PCDHA9: variants seen among roughly 807,000 people sequenced by gnomAD.
The protein encoded by PCDHA9 is protocadherin alpha 9, also known as protocadherin alpha-9.
Under a neutral mutation model 62.0 loss-of-function variants are expected in PCDHA9, and 62 were observed. The ratio of observed to expected loss-of-function variants is 1.00; its 90% CI spans 0.81 to 1.23. The LOEUF (loss-of-function observed/expected upper bound fraction) is 1.23, where lower values mean the gene tolerates loss of function less well. PCDHA9 is among the 50% of genes most tolerant of loss of function. The pLI is 0.00. For missense variants in PCDHA9, 1,205 were observed against 1,249.8 expected (o/e 0.96, Z 0.54); for synonymous variants, 557 against 567.6 (o/e 0.98, Z 0.27).
intron 1 of PCDHA9, chr5:140,967,218 C>G: frequency 6.2e-7 from 1 of 1,613,744 alleles, no homozygotes; most frequent in Non-Finnish European, 8.5e-7. Flanking sequence ...TTCCCGCGGC[C>G]CAACTACCAG....
chr5:140,863,007 A>G (rs1554157449), intron 1 of PCDHA9: 1 of 551,416 alleles, frequency 1.8e-6, no homozygotes, highest in Non-Finnish European at 3.6e-6. Context: ...GACTCCAGCT[A>G]TGACGCCTGG....
chr5:140,980,890 C>G (rs1554242450), intron 2 of PCDHA9, among the ~76,000 whole-genome samples: 1 of 152,104 alleles, frequency 6.6e-6, no homozygotes, highest in African/African-American at 2.4e-5. Flanking sequence ...TCTTTCCAGT[C>G]TTGGACATCA....
chr5:140,870,551 C>G (rs1554164401), intron 1 of PCDHA9: 11 of 1,614,022 alleles, frequency 6.8e-6, no homozygotes, highest in African/African-American at 1.3e-5. Flanking sequence ...GACGCGGACG[C>G]GCAGGAGAAC....
At chr5:140,882,365 T>C (rs141224516) in intron 1 of PCDHA9, 1 of 1,614,208 alleles carries the variant, frequency 6.2e-7, no homozygotes, top group Non-Finnish European at 8.5e-7. Context: ...CCAGCTCCAC[T>C]ACTCCGTCCC....
chr5:140,870,480 C>T, intron 1 of PCDHA9: 1 of 1,614,236 alleles, frequency 6.2e-7, no homozygotes, highest in Non-Finnish European at 8.5e-7. Context: ...AGCCCGAGTA[C>T]ACCGTGTTCG....
In PCDHA9 at chr5:140,884,757, TCTTTA is replaced by T. The variant is rs1486319174; in HGVS notation, c.2394+33874_2394+33878del. On this transcript the variant is annotated intron_variant, in intron 1 of 3. Transcript: ENST00000532602. ...ATCTTTCCTGCCAATTTCAAATTATTCTTTACTTTAATTTTAATTTTGCTAGTTGT... is the reference window on the plus strand; with the variant it reads ...ATCTTTCCTGCCAATTTCAAATTATTCTTTAATTTTAATTTTGCTAGTTGT... The T allele has an allele frequency of 5.5e-5, 78 of 1,427,314 alleles. 1 individual carries two copies. The highest frequency in any genetic ancestry group is 1.3e-4 in the South Asian group (8 of 61,704). The allele number at this position is 1,427,314 out of a possible 1,614,324, so 88.4% of individuals were successfully genotyped here. A position where few individuals can be genotyped will look rare whatever the true frequency, so the allele number is the denominator to read the frequency against.
intron 1 of PCDHA9, among the ~76,000 whole-genome samples, chr5:140,961,630 C>A (rs1387087976): frequency 1.3e-5 from 2 of 152,136 alleles, no homozygotes; most frequent in Non-Finnish European, 2.9e-5. Context: ...ATATGAAAAA[C>A]AATCTTAAGT....
At chr5:140,912,494 A>T (rs536513157) in intron 1 of PCDHA9, among the ~76,000 whole-genome samples, 1 of 152,190 alleles carries the variant, frequency 6.6e-6, no homozygotes, top group South Asian at 2.1e-4. Context: ...CAGATCTAGG[A>T]GCTTTTTGGA....
rs140634296 is a variant in PCDHA9 at position 140,850,279 on chromosome 5, G to T, written c.1784G>T (p.Arg595Leu). ...VGAGVVVGKV[R>L]AVDADSGYNA... Reference sequence around the variant, plus strand: ...GCCGGCGTAGTGGTGGGGAAGGTGCGCGCAGTGGACGCCGACTCGGGCTAC... The same window carrying T: ...GCCGGCGTAGTGGTGGGGAAGGTGCTCGCAGTGGACGCCGACTCGGGCTAC... The change falls in exon 1 of 4, where the codon CGC becomes CTC. Residue 595 changes from arginine to leucine, a missense_variant. Around this residue, in one of 3 missense-constraint regions of PCDHA9, gnomAD observed 887 missense variants for 809.5 expected, o/e 1.10. Transcript: ENST00000532602. The T allele has an allele frequency of 5.0e-6, 8 of 1,595,454 alleles. 2 individuals are homozygous for T. The highest frequency in any genetic ancestry group is 1.1e-5 in the South Asian group (1 of 90,466).
intron 1 of PCDHA9, among the ~76,000 whole-genome samples, chr5:140,974,660 C>T (rs529524485): frequency 2.6e-5 from 4 of 152,116 alleles, no homozygotes; most frequent in South Asian, 2.1e-4. Flanking sequence ...TACAGGCATG[C>T]GCCACCATGC....
intron 3 of PCDHA9, among the ~76,000 whole-genome samples, chr5:140,987,698 A>T (rs1213489735): frequency 6.6e-6 from 1 of 152,142 alleles, no homozygotes; most frequent in African/African-American, 2.4e-5. Flanking sequence ...TTTTTAAATG[A>T]TTTTTCCAGG....
At chr5:140,970,366 A>G (rs1438755786) in intron 1 of PCDHA9, among the ~76,000 whole-genome samples, 2 of 152,196 alleles carry the variant, frequency 1.3e-5, no homozygotes, top group Admixed American at 1.3e-4. Context: ...TTGATTTGCT[A>G]TAGCTTCAAA....
intron 1 of PCDHA9, among the ~76,000 whole-genome samples, chr5:140,872,206 T>A (rs2053543474): frequency 1.3e-5 from 2 of 152,340 alleles, no homozygotes; most frequent in Middle Eastern, 6.8e-3. Flanking sequence ...CATAAATTCA[T>A]TATATATGAA....
Position 140,851,044 on chromosome 5 carries a change from G to A in PCDHA9, c.2394+155G>A, listed in dbSNP as rs781824317. 121 of 1,389,526 alleles carry A rather than the reference G, an allele frequency of 8.7e-5. 9 individuals are homozygous for A. The highest frequency in any genetic ancestry group is 1.1e-4 in the Non-Finnish European group (114 of 1,060,604). 86.1% of individuals were successfully genotyped at this position (1,389,526 alleles called of 1,614,324 possible). On this transcript the variant is annotated intron_variant, in intron 1 of 3. Transcript: ENST00000532602. ...AAGTAAACCCCTTAACATTGGAGCC[G>A]ACTTTGTCTTGACTTCTAGTGAGAA... is the stretch of plus-strand genomic sequence containing the variant.
At chr5:140,914,782 G>T (rs563426406) in intron 1 of PCDHA9, among the ~76,000 whole-genome samples, 3 of 151,862 alleles carry the variant, frequency 2.0e-5, no homozygotes, top group Non-Finnish European at 4.4e-5. Context: ...CTTATCTTAT[G>T]ACCCATTATT....
intron 1 of PCDHA9, chr5:140,967,752 C>T: frequency 1.2e-6 from 2 of 1,614,194 alleles, no homozygotes; most frequent in Middle Eastern, 1.6e-4. Context: ...GAGGAAGCCT[C>T]CTCCTACCAG....
intron 1 of PCDHA9, chr5:140,858,100 C>A (rs368579908): frequency 1.9e-6 from 3 of 1,597,702 alleles, no homozygotes; most frequent in South Asian, 1.1e-5. Context: ...CTTCAGTGGG[C>A]GTGGCGCCCG....
At position 141,010,067 on chromosome 5, in the gene PCDHA9, G is replaced by C; in HGVS notation, c.*130G>C. 6.2e-7 allele frequency: 1 copy of C among 1,604,516 alleles called. No homozygotes were observed. The highest frequency in any genetic ancestry group is 1.1e-5 in the South Asian group (1 of 89,502). ...TAGAGACCTCAGAAATCTGCAGAAA[G>C]TTCCCTGTGTCTGTCTAGAACGCAT... On this transcript the variant is annotated 3_prime_UTR_variant, in exon 4 of 4. Coordinates refer to ENST00000532602, the MANE Select transcript of PCDHA9 (RefSeq NM_031857.2).
chr5:140,887,802 T>A (rs2061588161), intron 1 of PCDHA9, among the ~76,000 whole-genome samples: 1 of 152,198 alleles, frequency 6.6e-6, no homozygotes, highest in Non-Finnish European at 1.5e-5. Context: ...TTTATTTTTG[T>A]CCATTTCTTT....
Sources: allele counts gnomAD v4.1 joint callset (sites outside exome capture counted in the v4.1 genomes callset), GRCh38; gene constraint gnomAD v4.1.1; regional missense constraint gnomAD v4.1.1; transcripts MANE v1.5; gene names NCBI Gene and HGNC (gene_info 2026-07-23, HGNC 2026-07-21).